CADM2: variants seen among roughly 807,000 people sequenced by gnomAD.
CADM2 encodes the protein cell adhesion molecule 2.
In CADM2, 12 loss-of-function variants were observed where a neutral mutation model predicts 49.8. The observed-to-expected ratio is 0.24, with a 90% CI of 0.15 to 0.39. The LOEUF is 0.39. Ranked by LOEUF, CADM2 falls within the 10% of genes least tolerant of loss-of-function variation. The probability of loss-of-function intolerance (pLI) is 1.00; values close to 1 mark genes in which losing one functional copy is unlikely to be tolerated. For synonymous variants in CADM2, 214 were observed against 175.4 expected (o/e 1.22, Z -1.74); for missense variants, 378 against 492.3 (o/e 0.77, Z 2.20).
At chr3:85,795,528 G>C (rs1268909585) in intron 2 of CADM2, among the ~76,000 whole-genome samples, 2 of 152,108 alleles carry the variant, frequency 1.3e-5, no homozygotes, top group Admixed American at 1.3e-4. Context: ...ATACATGTGG[G>C]GAGAAGATGG....
intron 1 of CADM2, among the ~76,000 whole-genome samples, chr3:85,571,440 A>G (rs1050090600): frequency 1.6e-4 from 25 of 151,706 alleles, no homozygotes; most frequent in African/African-American, 6.0e-4. Flanking sequence ...TTTGCAGGCC[A>G]CTCATTTATG....
intron 5 of CADM2, 53 bp downstream of exon 5, chr3:85,886,380 A>G: frequency 7.2e-7 from 1 of 1,382,550 alleles, no homozygotes; most frequent in Non-Finnish European, 1.0e-6. Context: ...CCAGTATGAC[A>G]TGTTAAGAAA....
intron 1 of CADM2, among the ~76,000 whole-genome samples, chr3:85,637,101 A>G (rs1199120483): frequency 1.3e-5 from 2 of 152,212 alleles, no homozygotes; most frequent in Admixed American, 6.6e-5. Context: ...GGTACCTGGC[A>G]TGATTAAATC....
chr3:85,046,042 T>C (rs564178395), intron 1 of CADM2, among the ~76,000 whole-genome samples: 1 of 152,204 alleles, frequency 6.6e-6, no homozygotes, highest in East Asian at 1.9e-4. Flanking sequence ...ATTATCTGCA[T>C]TTTGATTGTA....
chr3:85,413,161 A>AAAAAAT (rs1553720239), intron 1 of CADM2, among the ~76,000 whole-genome samples: 16 of 108,506 alleles, frequency 1.5e-4, no homozygotes, highest in African/African-American at 4.5e-4. Flanking sequence ...AAAAAAAAAA[A>AAAAAAT]AATAATAATA....
At chr3:85,402,654 C>A (rs7650834) in intron 1 of CADM2, among the ~76,000 whole-genome samples, 38,059 of 152,042 alleles carry the variant, frequency 0.25, 4,943 homozygotes, top group South Asian at 0.34. Context: ...TGTGACTCTG[C>A]AATTTGAGTC....
intron 1 of CADM2, among the ~76,000 whole-genome samples, chr3:85,274,376 G>A (rs1272684663): frequency 2.0e-5 from 3 of 151,488 alleles, no homozygotes; most frequent in East Asian, 3.9e-4. Flanking sequence ...AGTACATGGA[G>A]GAGAGAATTG....
At chr3:86,037,592 A>G (rs1407502332) in intron 8 of CADM2, among the ~76,000 whole-genome samples, 5 of 152,292 alleles carry the variant, frequency 3.3e-5, no homozygotes, top group African/African-American at 1.2e-4. Context: ...AAACACACCT[A>G]TAACATATGA....
intron 1 of CADM2, among the ~76,000 whole-genome samples, chr3:85,495,150 A>G (rs2039836251): frequency 6.6e-6 from 1 of 152,132 alleles, no homozygotes; most frequent in African/African-American, 2.4e-5. Context: ...TATAATTCCA[A>G]CAAATAGCCT....
At chr3:85,327,554 C>CCACACACACA (rs71108276) in intron 1 of CADM2, among the ~76,000 whole-genome samples, 2,546 of 137,100 alleles carry the variant, frequency 0.019, 38 homozygotes, top group South Asian at 0.032. Flanking sequence ...CCATGCCCGG[C>CCACACACACA]CACACACACA....
At chr3:85,472,999 A>AT (rs2107612524) in intron 1 of CADM2, among the ~76,000 whole-genome samples, 1 of 152,108 alleles carries the variant, frequency 6.6e-6, no homozygotes, top group East Asian at 1.9e-4. Flanking sequence ...AATTATGTCA[A>AT]TTTTCTCTAT....
chr3:85,961,571 G>A lies in CADM2; in HGVS notation c.894G>A (p.Thr298=), dbSNP rs1724821760. Residue 298 remains threonine (T), a synonymous_variant, in exon 8 of 10, where the codon ACG becomes ACA. Coordinates refer to ENST00000383699, the MANE Select transcript of CADM2 (RefSeq NM_001167675.2). ...RELNILFLNK[T]DNGTYRCEAT... is the part of the protein sequence containing the mutation. Reference sequence around the variant, plus strand: ...TAAACATTCTTTTCCTGAACAAAACGGATAATGGTACATATCGATGTGAAG... The same window carrying A: ...TAAACATTCTTTTCCTGAACAAAACAGATAATGGTACATATCGATGTGAAG... 12 of 1,610,568 alleles carry A rather than the reference G, an allele frequency of 7.5e-6. No individual in the cohort carries two copies. The highest frequency in any genetic ancestry group is 4.5e-5 in the East Asian group (2 of 44,760).
At chr3:85,188,847 C>T (rs948266862) in intron 1 of CADM2, among the ~76,000 whole-genome samples, 9 of 151,466 alleles carry the variant, frequency 5.9e-5, no homozygotes, top group Non-Finnish European at 1.2e-4. Context: ...CTGGCTAACA[C>T]GGTGAAACCC....
chr3:85,530,601 T>A (rs927645158), intron 1 of CADM2, among the ~76,000 whole-genome samples: 1 of 151,996 alleles, frequency 6.6e-6, no homozygotes, highest in African/African-American at 2.4e-5. Flanking sequence ...AGTGCTGGGA[T>A]TACAGGCGTG....
Position 85,833,406 on chromosome 3 carries a change from T to G in CADM2, c.238+31210T>G, listed in dbSNP as rs142609292. On this transcript the variant is annotated intron_variant, in intron 3 of 9. Coordinates refer to ENST00000383699, the MANE Select transcript of CADM2 (RefSeq NM_001167675.2). ...TTTTTTCAATTAGTTTCAGTAGGAT[T>G]GGTAACAGTTCTTCATACATCTGGT... Among the ~76,000 whole-genome samples the G allele has an allele frequency of 1.8e-3, 269 of 151,906 alleles. 1 individual carries two copies. The highest frequency in any genetic ancestry group is 5.9e-3 in the African/African-American group (243 of 41,506).
intron 1 of CADM2, among the ~76,000 whole-genome samples, chr3:85,338,847 C>T (rs2045162850): frequency 6.6e-6 from 1 of 151,484 alleles, no homozygotes; most frequent in South Asian, 2.1e-4. Context: ...AGTATAAAGG[C>T]ATCTACTTAG....
intron 1 of CADM2, among the ~76,000 whole-genome samples, chr3:85,674,539 G>A (rs150357777): frequency 1.2e-4 from 19 of 152,090 alleles, no homozygotes; most frequent in Non-Finnish European, 2.5e-4. Context: ...AGCTCTTTTC[G>A]TTTATTTTTG....
At chr3:85,887,098 GT>G (rs1243603525) in intron 5 of CADM2, among the ~76,000 whole-genome samples, 2 of 152,072 alleles carry the variant, frequency 1.3e-5, no homozygotes, top group Admixed American at 1.3e-4. Context: ...ATTTTTAAGA[GT>G]TTTTAAGAGA....
At chr3:85,385,693 C>T (rs1444188841) in intron 1 of CADM2, 1 of 149,944 alleles carries the variant, frequency 6.7e-6, no homozygotes, top group Non-Finnish European at 1.5e-5. Flanking sequence ...TTTTTTTCAA[C>T]CGAAAATACC....
Sources: allele counts gnomAD v4.1 joint callset (sites outside exome capture counted in the v4.1 genomes callset), GRCh38; gene constraint gnomAD v4.1.1; transcripts MANE v1.5; gene names NCBI Gene and HGNC (gene_info 2026-07-23, HGNC 2026-07-21).